Variants in LRP5 observed in about 807,000 individuals in gnomAD.
The protein encoded by LRP5 is LDL receptor related protein 5.
Under a neutral mutation model 154.1 loss-of-function variants are expected in LRP5, and 62 were observed. The ratio of observed to expected loss-of-function variants is 0.40; its 90% CI spans 0.33 to 0.50. LRP5 has a LOEUF of 0.50. Ranked by LOEUF, LRP5 falls within the 20% of genes least tolerant of loss-of-function variation. The pLI is 0.55. For missense variants in LRP5, 1,915 were observed against 2,336.7 expected (o/e 0.82, Z 3.72); for synonymous variants, 966 against 1,011.5 (o/e 0.96, Z 0.85).
At chr11:68,399,873 G>A (rs189085025) in intron 7 of LRP5, among the ~76,000 whole-genome samples, 2 of 152,348 alleles carry the variant, frequency 1.3e-5, no homozygotes, top group East Asian at 1.9e-4. Flanking sequence ...CCTTCCTCCA[G>A]TATTAGAGCA....
chr11:68,395,300 CAA>C (rs1239981628), intron 7 of LRP5, among the ~76,000 whole-genome samples: 15 of 75,822 alleles, frequency 2.0e-4, no homozygotes, highest in East Asian at 3.9e-4. Context: ...GACTCCATCT[CAA>C]AAAAAAAAAA....
intron 1 of LRP5, among the ~76,000 whole-genome samples, chr11:68,320,685 C>T (rs910723965): frequency 2.0e-5 from 3 of 152,082 alleles, no homozygotes; most frequent in Admixed American, 2.0e-4. Flanking sequence ...TGGTCTCGAA[C>T]TCCTGACCTC....
chr11:68,410,932 A>C (rs1281486373), intron 10 of LRP5, among the ~76,000 whole-genome samples: 1 of 152,140 alleles, frequency 6.6e-6, no homozygotes, highest in Non-Finnish European at 1.5e-5. Flanking sequence ...TCAAACTTAG[A>C]AAATTCTGGA....
At chr11:68,364,103 G>C (rs1297035267) in intron 4 of LRP5, among the ~76,000 whole-genome samples, 160 bp downstream of exon 4, 1 of 151,286 alleles carries the variant, frequency 6.6e-6, no homozygotes, top group South Asian at 2.1e-4. Context: ...GCTCTGGGGG[G>C]CCCCCTCTCT....
chr11:68,317,461 G>T (rs2098594078), intron 1 of LRP5, among the ~76,000 whole-genome samples: 1 of 152,170 alleles, frequency 6.6e-6, no homozygotes, highest in Non-Finnish European at 1.5e-5. Context: ...CTCTGTGCTG[G>T]TTGCCCCCGA....
At chr11:68,390,921 C>G (rs1326652302) in intron 7 of LRP5, among the ~76,000 whole-genome samples, 1 of 152,254 alleles carries the variant, frequency 6.6e-6, no homozygotes, top group African/African-American at 2.4e-5. Context: ...TTTTGCTCAC[C>G]TGTGGAGCCT....
chr11:68,376,855 C>T (rs1242670842), intron 5 of LRP5, among the ~76,000 whole-genome samples: 5 of 152,188 alleles, frequency 3.3e-5, no homozygotes, highest in East Asian at 1.9e-4. Context: ...TATACATCCA[C>T]GCCCCTAAAT....
At chr11:68,336,574 T>A (rs909465725) in intron 1 of LRP5, among the ~76,000 whole-genome samples, 1 of 152,206 alleles carries the variant, frequency 6.6e-6, no homozygotes, top group Non-Finnish European at 1.5e-5. Context: ...TTTCAAGCTA[T>A]TTTCCTGCCT....
At chr11:68,360,851 G>T (rs1034964879) in intron 3 of LRP5, among the ~76,000 whole-genome samples, 7 of 151,316 alleles carry the variant, frequency 4.6e-5, no homozygotes, top group African/African-American at 1.7e-4. Context: ...CAAAACATTA[G>T]CCAGGTGTGG....
chr11:68,395,241 C>T (rs567524907), intron 7 of LRP5, among the ~76,000 whole-genome samples: 2 of 144,890 alleles, frequency 1.4e-5, no homozygotes, highest in African/African-American at 2.6e-5. Context: ...GCGGAGGTTG[C>T]AGTGAGCCGA....
chr11:68,354,393 C>T (rs752785215), intron 2 of LRP5, among the ~76,000 whole-genome samples: 1 of 152,238 alleles, frequency 6.6e-6, no homozygotes, highest in Non-Finnish European at 1.5e-5. Flanking sequence ...TGCGGAGGCT[C>T]CTGCTCCTGC....
At chr11:68,368,277 G>A (rs1489086608) in intron 5 of LRP5, among the ~76,000 whole-genome samples, 2 of 152,350 alleles carry the variant, frequency 1.3e-5, no homozygotes, top group East Asian at 1.9e-4. Context: ...GACCTGGATC[G>A]GGTACGGAAC....
intron 10 of LRP5, among the ~76,000 whole-genome samples, chr11:68,410,593 C>T (rs776009068): frequency 9.9e-5 from 15 of 152,148 alleles, no homozygotes; most frequent in African/African-American, 1.4e-4. Context: ...TTGAGGTCCC[C>T]GGACCTCAGG....
rs201352823 is a variant in LRP5, at chr11:68,433,792, C to T, written c.3954C>T (p.Asp1318=). 234 of 1,612,488 alleles carry T rather than the reference C, an allele frequency of 1.5e-4. No homozygotes were observed. The highest frequency in any genetic ancestry group is 6.4e-5 in the Non-Finnish European group (75 of 1,179,754). Residue 1318 remains aspartate, a synonymous_variant, in exon 18 of 23, where the codon GAC becomes GAT. Transcript: ENST00000294304. ...GTGTGGACCTGCGCCTGCGCTGCGA[C>T]GGCGAGGCAGACTGTCAGGACCGCT... ...GQCVDLRLRC[D]GEADCQDRSD...
At chr11:68,378,201 G>A (rs2098638443) in intron 5 of LRP5, among the ~76,000 whole-genome samples, 1 of 152,182 alleles carries the variant, frequency 6.6e-6, no homozygotes, top group South Asian at 2.1e-4. Context: ...CCACATTGGG[G>A]CATGGAGGGT....
At chr11:68,434,650 G>T (rs910247677) in intron 18 of LRP5, among the ~76,000 whole-genome samples, 2 of 152,210 alleles carry the variant, frequency 1.3e-5, no homozygotes, top group African/African-American at 2.4e-5. Context: ...AAAGTGCTGG[G>T]ATTACAGGCA....
At chr11:68,368,644 T>C (rs576142560) in intron 5 of LRP5, among the ~76,000 whole-genome samples, 1 of 152,202 alleles carries the variant, frequency 6.6e-6, no homozygotes, top group East Asian at 1.9e-4. Flanking sequence ...TCTTACTCTC[T>C]TGGTGTGTCT....
At chr11:68,370,802 G>A (rs748113255) in intron 5 of LRP5, among the ~76,000 whole-genome samples, 3 of 152,192 alleles carry the variant, frequency 2.0e-5, no homozygotes, top group East Asian at 1.9e-4. Context: ...GGCCGGGAAC[G>A]TCCACATGCA....
At chr11:68,390,163 C>A in intron 7 of LRP5, 111 bp downstream of exon 7, 2 of 1,319,760 alleles carry the variant, frequency 1.5e-6, no homozygotes, top group Non-Finnish European at 1.1e-6. Flanking sequence ...TGCTATTTGG[C>A]CACATGGAAT....
Sources: gnomAD v4.1 joint callset for allele counts (sites outside exome capture counted in the v4.1 genomes callset) on GRCh38, gnomAD v4.1.1 for gene constraint, MANE v1.5 for transcripts, NCBI Gene and HGNC (gene_info 2026-07-23, HGNC 2026-07-21) for gene names.